Variants in STK32C observed in about 807,000 individuals in gnomAD.
STK32C encodes serine/threonine kinase 32C.
Under a neutral mutation model 56.5 loss-of-function variants are expected in STK32C, and 31 were observed. That is an observed-to-expected ratio of 0.55 (90% CI 0.41 to 0.74). The LOEUF is 0.74. Among genes scored for constraint, STK32C ranks in the 30% least tolerant of loss-of-function variants. The pLI is 0.00. For synonymous variants in STK32C, 309 were observed against 289.4 expected (o/e 1.07, Z -0.69); for missense variants, 544 against 676.9 (o/e 0.80, Z 2.18).
chr10:132,234,718 T>C (rs1001910273), intron 2 of STK32C, among the ~76,000 whole-genome samples: 1 of 152,176 alleles, frequency 6.6e-6, no homozygotes, highest in African/African-American at 2.4e-5. Flanking sequence ...TCTTCTTGCA[T>C]CTCTGGCTGC....
At chr10:132,215,940 C>T (rs1283336291) in intron 10 of STK32C, among the ~76,000 whole-genome samples, 5 of 152,210 alleles carry the variant, frequency 3.3e-5, no homozygotes, top group African/African-American at 1.2e-4. Context: ...TTGGGAACTA[C>T]AGCAAAGGTG....
chr10:132,257,152 G>C (rs1002314760), intron 1 of STK32C, among the ~76,000 whole-genome samples: 15 of 152,156 alleles, frequency 9.9e-5, no homozygotes, highest in Non-Finnish European at 1.6e-4. Flanking sequence ...GGGTCCTCAG[G>C]GGGGTGAGGC....
intron 1 of STK32C, among the ~76,000 whole-genome samples, chr10:132,316,111 C>A (rs1179953248): frequency 3.9e-5 from 6 of 152,076 alleles, no homozygotes. Context: ...GCTAAAAAAA[C>A]CATTCCACAA....
intron 1 of STK32C, among the ~76,000 whole-genome samples, chr10:132,316,306 G>C (rs1358792824): frequency 6.6e-6 from 1 of 152,118 alleles, no homozygotes; most frequent in Non-Finnish European, 1.5e-5. Flanking sequence ...GAGTAAAGAT[G>C]AGCTATAAAA....
intron 1 of STK32C, among the ~76,000 whole-genome samples, chr10:132,284,432 AGGTTGGG>A (rs1231377215): frequency 1.9e-5 from 1 of 51,292 alleles, no homozygotes; most frequent in African/African-American, 8.5e-5. Context: ...GGGGCAGGTG[AGGTTGGG>A]AGGGCAGGTG....
At chr10:132,289,930 T>C (rs2065515494) in intron 1 of STK32C, among the ~76,000 whole-genome samples, 1 of 152,220 alleles carries the variant, frequency 6.6e-6, no homozygotes, top group Non-Finnish European at 1.5e-5. Flanking sequence ...TCATCAGTCA[T>C]CAGGAAAATG....
intron 2 of STK32C, among the ~76,000 whole-genome samples, chr10:132,233,761 G>A (rs2137796645): frequency 6.6e-6 from 1 of 152,368 alleles, no homozygotes; most frequent in South Asian, 2.1e-4. Flanking sequence ...CTTCCCAGGG[G>A]ACGGAGCTAC....
At chr10:132,210,963 C>T (rs149024188) in intron 10 of STK32C, among the ~76,000 whole-genome samples, 1,648 of 152,316 alleles carry the variant, frequency 0.011, 23 homozygotes, top group African/African-American at 0.036. Flanking sequence ...CACACGTACA[C>T]GGTGTGAGCG....
chr10:132,327,134 C>G (rs2080522492), intron 1 of STK32C, among the ~76,000 whole-genome samples: 1 of 152,174 alleles, frequency 6.6e-6, no homozygotes, highest in African/African-American at 2.4e-5. Context: ...GTGGGAGGGA[C>G]CCGGTGGGAG....
At chr10:132,237,358 C>A (rs2063330499) in intron 2 of STK32C, among the ~76,000 whole-genome samples, 1 of 152,222 alleles carries the variant, frequency 6.6e-6, no homozygotes, top group Non-Finnish European at 1.5e-5. Flanking sequence ...CATGCACACG[C>A]CTGTCGAGGG....
At chr10:132,308,495 G>C (rs1184521485), upstream of STK32C, among the ~76,000 whole-genome samples, 1 of 152,068 alleles carries the variant, frequency 6.6e-6, no homozygotes, top group African/African-American at 2.4e-5. Context: ...CGGGATGCGG[G>C]CGGCGGGAAT....
intron 1 of STK32C, among the ~76,000 whole-genome samples, chr10:132,278,618 G>A (rs988176997): frequency 3.9e-5 from 6 of 151,966 alleles, no homozygotes; most frequent in Non-Finnish European, 7.4e-5. Context: ...AAAATTAGCC[G>A]GGCGTGGTGG....
intron 1 of STK32C, among the ~76,000 whole-genome samples, chr10:132,279,015 C>T (rs979639698): frequency 2.6e-5 from 4 of 152,148 alleles, no homozygotes; most frequent in African/African-American, 7.2e-5. Context: ...GTCTTGAATA[C>T]AGCCAGTGCC....
At chr10:132,297,022 C>T (rs1326432438) in intron 1 of STK32C, among the ~76,000 whole-genome samples, 1 of 152,230 alleles carries the variant, frequency 6.6e-6, no homozygotes, top group Non-Finnish European at 1.5e-5. Flanking sequence ...CACAGCTCTG[C>T]CCAGTGTCCT....
chr10:132,208,965 G>A, intron 11 of STK32C, 69 bp downstream of exon 11: 12 of 1,511,914 alleles, frequency 7.9e-6, no homozygotes, highest in Non-Finnish European at 1.0e-5. Context: ...ACGTGGCCAA[G>A]AAAACCTTAA....
At chr10:132,267,310 G>A (rs1025376275) in intron 1 of STK32C, among the ~76,000 whole-genome samples, 1 of 152,136 alleles carries the variant, frequency 6.6e-6, no homozygotes, top group South Asian at 2.1e-4. Context: ...CTGGAGGCCT[G>A]GAATACACCT....
intron 8 of STK32C, among the ~76,000 whole-genome samples, chr10:132,223,196 G>A (rs1274327230): frequency 6.6e-6 from 1 of 152,202 alleles, no homozygotes; most frequent in African/African-American, 2.4e-5. Flanking sequence ...CCCAAGGGAC[G>A]CCTGTTCTCA....
At chr10:132,297,020 T>C (rs570774778) in intron 1 of STK32C, among the ~76,000 whole-genome samples, 2 of 152,360 alleles carry the variant, frequency 1.3e-5, no homozygotes, top group South Asian at 4.1e-4. Context: ...GGCACAGCTC[T>C]GCCCAGTGTC....
At chr10:132,294,021 T>A (rs1365341972) in intron 1 of STK32C, among the ~76,000 whole-genome samples, 1 of 152,078 alleles carries the variant, frequency 6.6e-6, no homozygotes, top group Non-Finnish European at 1.5e-5. Context: ...AGGACTCGCA[T>A]TTGAACCTGC....
Sources: allele counts gnomAD v4.1 joint callset (sites outside exome capture counted in the v4.1 genomes callset), GRCh38; gene constraint gnomAD v4.1.1; transcripts MANE v1.5; gene names NCBI Gene and HGNC (gene_info 2026-07-23, HGNC 2026-07-21).